CADM2: variants seen among roughly 807,000 people sequenced by gnomAD.
CADM2 encodes the protein immunoglobulin superfamily member 4D.
In CADM2, 12 loss-of-function variants were observed where a neutral mutation model predicts 49.8. The observed-to-expected ratio is 0.24, with a 90% CI of 0.15 to 0.39. The LOEUF is 0.39. Among genes scored for constraint, CADM2 ranks in the 10% least tolerant of loss-of-function variants. CADM2 has a pLI of 1.00. For missense variants in CADM2, 378 were observed against 492.3 expected, an observed-to-expected ratio of 0.77 and a Z score of 2.20; for synonymous variants, 214 against 175.4, an observed-to-expected ratio of 1.22 and a Z score of -1.74.
At chr3:85,932,692 A>G (rs1312390666) in intron 6 of CADM2, among the ~76,000 whole-genome samples, 2 of 152,182 alleles carry the variant, frequency 1.3e-5, no homozygotes, top group Non-Finnish European at 2.9e-5. Flanking sequence ...ATAATTATTT[A>G]AATCTCCATT....
At chr3:85,091,299 G>A (rs886801086) in intron 1 of CADM2, among the ~76,000 whole-genome samples, 4 of 152,026 alleles carry the variant, frequency 2.6e-5, no homozygotes, top group African/African-American at 7.2e-5. Flanking sequence ...GCAGCTAAAT[G>A]ATCTAGTTAT....
At chr3:85,540,894 C>T (rs1170412041) in intron 1 of CADM2, among the ~76,000 whole-genome samples, 2 of 152,088 alleles carry the variant, frequency 1.3e-5, no homozygotes, top group Non-Finnish European at 2.9e-5. Flanking sequence ...CATGGTTCAT[C>T]CTCCGTGTGT....
chr3:85,126,457 T>A (rs546320392), intron 1 of CADM2, among the ~76,000 whole-genome samples: 1 of 152,258 alleles, frequency 6.6e-6, no homozygotes, highest in African/African-American at 2.4e-5. Flanking sequence ...GTTCGGCAGT[T>A]CACATTTAAA....
intron 1 of CADM2, among the ~76,000 whole-genome samples, chr3:85,483,853 G>A (rs2039311470): frequency 1.3e-5 from 2 of 151,182 alleles, no homozygotes; most frequent in Admixed American, 1.3e-4. Context: ...TTTTGTAACT[G>A]GTTAACAGGA....
intron 1 of CADM2, among the ~76,000 whole-genome samples, chr3:85,130,167 AC>A (rs1258035566): frequency 3.3e-5 from 5 of 152,346 alleles, no homozygotes; most frequent in Non-Finnish European, 7.4e-5. Context: ...GACTGGGTTT[AC>A]AGTAATTTTA....
At chr3:84,975,842 G>A (rs2031785031) in intron 1 of CADM2, among the ~76,000 whole-genome samples, 1 of 151,760 alleles carries the variant, frequency 6.6e-6, no homozygotes, top group Non-Finnish European at 1.5e-5. Flanking sequence ...AAACTAATAA[G>A]CATAAGTGAA....
chr3:85,703,982 T>C (rs1399504428), intron 1 of CADM2, among the ~76,000 whole-genome samples: 10 of 152,166 alleles, frequency 6.6e-5, no homozygotes, highest in Non-Finnish European at 1.5e-4. Context: ...TCTGCAACAT[T>C]GATTCAGAGT....
chr3:86,071,854 ATAAT>A lies in CADM2; in HGVS notation c.*5075_*5078del, dbSNP rs1239739707. On this transcript the variant is annotated 3_prime_UTR_variant, in exon 10 of 10. Transcript: ENST00000383699. ...AATATAATTGTATTGGTTTTTAAAAATAATTAAAATGGCAACACTTTGCGATCCA... is the reference window on the plus strand; with the variant it reads ...AATATAATTGTATTGGTTTTTAAAAATAAAATGGCAACACTTTGCGATCCA... 6.6e-6 allele frequency: 1 copy of A among 152,008 alleles called. No homozygotes were observed. Among genetic ancestry groups the A allele is most frequent in the Non-Finnish European group, 1.5e-5 (1 of 67,898 alleles). The allele number at this position is 152,008 out of a possible 1,614,324, so 9.4% of individuals were successfully genotyped here.
At chr3:85,807,356 G>T (rs1383637583) in intron 3 of CADM2, among the ~76,000 whole-genome samples, 3 of 151,990 alleles carry the variant, frequency 2.0e-5, no homozygotes, top group Admixed American at 1.3e-4. Context: ...AAAATTATCT[G>T]GGCATGGTGG....
intron 1 of CADM2, among the ~76,000 whole-genome samples, chr3:85,278,763 GGTA>G (rs2043422539): frequency 7.0e-6 from 1 of 142,550 alleles, no homozygotes; most frequent in Non-Finnish European, 1.6e-5. Flanking sequence ...TGTGTGTGTT[GGTA>G]GTTTTAGGGA....
intron 1 of CADM2, among the ~76,000 whole-genome samples, chr3:85,122,038 A>G (rs911057481): frequency 5.9e-5 from 9 of 151,420 alleles, no homozygotes; most frequent in Non-Finnish European, 1.2e-4. Flanking sequence ...TTTTTTTGTC[A>G]ACAGCTACAT....
intron 1 of CADM2, among the ~76,000 whole-genome samples, chr3:85,076,377 T>C (rs1247192346): frequency 6.6e-6 from 1 of 150,846 alleles, no homozygotes; most frequent in African/African-American, 2.4e-5. Flanking sequence ...GGAGTCTCGC[T>C]CTGTCACCCA....
At chr3:85,874,244 A>T (rs1177699654) in intron 3 of CADM2, among the ~76,000 whole-genome samples, 2 of 152,106 alleles carry the variant, frequency 1.3e-5, no homozygotes, top group Non-Finnish European at 2.9e-5. Context: ...CAACTTCGGG[A>T]TTATTAGAAT....
At chr3:85,623,793 T>A (rs2064043512) in intron 1 of CADM2, among the ~76,000 whole-genome samples, 1 of 152,182 alleles carries the variant, frequency 6.6e-6, no homozygotes, top group African/African-American at 2.4e-5. Flanking sequence ...AACAGCTATT[T>A]CAAGAATATT....
chr3:85,470,616 A>G (rs1438969225), intron 1 of CADM2, among the ~76,000 whole-genome samples: 2 of 152,176 alleles, frequency 1.3e-5, no homozygotes, highest in Non-Finnish European at 2.9e-5. Context: ...ATAAAATTCT[A>G]GCAATTAATT....
chr3:85,809,780 CTCTCTCTCTCTCTT>C (rs1482925860), intron 3 of CADM2, among the ~76,000 whole-genome samples: 4 of 94,642 alleles, frequency 4.2e-5, no homozygotes, highest in African/African-American at 1.7e-4. Flanking sequence ...CTCTCTCTCT[CTCTCTCTCTCTCTT>C]TCTTTCTTTC....
At chr3:85,221,101 T>C (rs906553026) in intron 1 of CADM2, among the ~76,000 whole-genome samples, 2 of 152,194 alleles carry the variant, frequency 1.3e-5, no homozygotes. Flanking sequence ...TTTGGTGTTC[T>C]ATGAATTTAA....
intron 1 of CADM2, among the ~76,000 whole-genome samples, chr3:85,609,920 C>T (rs977567361): frequency 7.2e-5 from 11 of 151,810 alleles, no homozygotes; most frequent in Non-Finnish European, 1.3e-4. Context: ...AGTCTTTGTG[C>T]GTATGTGTTA....
chr3:86,016,972 C>T (rs1732332049), intron 8 of CADM2, among the ~76,000 whole-genome samples: 1 of 151,912 alleles, frequency 6.6e-6, no homozygotes, highest in South Asian at 2.1e-4. Context: ...AACAAAATTT[C>T]ATTTGTTTCA....
Sources: allele counts gnomAD v4.1 joint callset (sites outside exome capture counted in the v4.1 genomes callset), GRCh38; gene constraint gnomAD v4.1.1; transcripts MANE v1.5; gene names NCBI Gene and HGNC (gene_info 2026-07-23, HGNC 2026-07-21).